PAXBP1: variants seen among roughly 807,000 people sequenced by gnomAD.
PAXBP1 encodes PAX3- and PAX7-binding protein 1.
A neutral mutation model predicts 119.9 loss-of-function variants in PAXBP1; 44 were observed. The ratio of observed to expected loss-of-function variants is 0.37; its 90% CI spans 0.29 to 0.47. The LOEUF is 0.47. Among genes scored for constraint, PAXBP1 ranks in the 20% least tolerant of loss-of-function variants. The probability of loss-of-function intolerance (pLI) is 0.99; values close to 1 mark genes in which losing one functional copy is unlikely to be tolerated. For synonymous variants in PAXBP1, 393 were observed against 406.6 expected, an observed-to-expected ratio of 0.97 and a Z score of 0.40; for missense variants, 898 against 1,134.1, an observed-to-expected ratio of 0.79 and a Z score of 2.99.
rs571403091 is a variant in PAXBP1 at position 32,763,172 on chromosome 21, T to A, written c.650-855A>T. 4.5e-4 allele frequency among the ~76,000 whole-genome samples: 69 copies of A among 152,336 alleles called. No homozygotes were observed. The South Asian group carries it at 9.3e-3, about 21-fold the overall frequency. The stretch of plus-strand genomic sequence containing the variant: ...TAACATTTTCTGCATAGATAAGGCA[T>A]AATCTACCGCACACATTAACTGACC... On this transcript the variant is annotated intron_variant, in intron 3 of 17. Coordinates refer to ENST00000331923, the MANE Select transcript of PAXBP1 (RefSeq NM_016631.4).
intron 2 of PAXBP1, among the ~76,000 whole-genome samples, chr21:32,768,439 T>C (rs573046583): frequency 7.9e-5 from 12 of 152,354 alleles, no homozygotes; most frequent in Admixed American, 4.6e-4. Context: ...TGGCAAAGTG[T>C]ATATTAAGCC....
chr21:32,755,127 T>A (rs1334529767), intron 8 of PAXBP1, 103 bp downstream of exon 8: 23 of 986,000 alleles, frequency 2.3e-5, no homozygotes, highest in Middle Eastern at 3.5e-4. Flanking sequence ...ATTGTTTCTT[T>A]AAAAAAAAAA....
In PAXBP1 at chr21:32,765,448, T is replaced by C. The variant is rs140043573; in HGVS notation, c.473-924A>G. On this transcript the variant is annotated intron_variant, in intron 2 of 17. Coordinates refer to ENST00000331923, the MANE Select transcript of PAXBP1 (RefSeq NM_016631.4). ...CAGGCAAAAATCGAAGTGCTTCACC[T>C]TGAAGCACTGAACCTGGTAATGCTC... Among the ~76,000 whole-genome samples the C allele has an allele frequency of 6.6e-5, 10 of 152,324 alleles. No individual in the cohort carries two copies. The East Asian group carries it at 1.9e-3, about 29-fold the overall frequency.
chr21:32,765,598 T>C (rs886390684), intron 2 of PAXBP1, among the ~76,000 whole-genome samples: 1 of 152,174 alleles, frequency 6.6e-6, no homozygotes, highest in Non-Finnish European at 1.5e-5. Context: ...TCTTCCTTCT[T>C]CTCAAACCAT....
At chr21:32,763,606 C>T (rs531827180) in intron 3 of PAXBP1, among the ~76,000 whole-genome samples, 10 of 152,192 alleles carry the variant, frequency 6.6e-5, no homozygotes, top group Non-Finnish European at 1.3e-4. Flanking sequence ...CTACTAAGCA[C>T]TTATTTATTC....
intron 11 of PAXBP1, among the ~76,000 whole-genome samples, chr21:32,747,688 C>T (rs1254857689): frequency 6.6e-6 from 1 of 152,156 alleles, no homozygotes; most frequent in African/African-American, 2.4e-5. Context: ...TTGGTAACTT[C>T]TAAAACCACA....
chr21:32,768,993 T>C (rs913378819), intron 2 of PAXBP1, among the ~76,000 whole-genome samples: 4 of 152,258 alleles, frequency 2.6e-5, no homozygotes, highest in East Asian at 1.9e-4. Flanking sequence ...TCTGAAAGAG[T>C]AGCCACCCTT....
At chr21:32,738,120 TTAA>T (rs2146464913) in intron 16 of PAXBP1, 50 bp downstream of exon 16, 2 of 1,456,116 alleles carry the variant, frequency 1.4e-6, no homozygotes, top group East Asian at 2.6e-5. Context: ...AAACAAAAAC[TTAA>T]TTCATTTTAA....
At chr21:32,755,847 T>C (rs1282052448) in intron 7 of PAXBP1, 2 of 162,302 alleles carry the variant, frequency 1.2e-5, no homozygotes, top group Non-Finnish European at 2.7e-5. Context: ...GACATTTCAG[T>C]TGCTCTGCCA....
intron 3 of PAXBP1, among the ~76,000 whole-genome samples, chr21:32,763,494 G>A (rs570096102): frequency 1.3e-5 from 2 of 152,266 alleles, no homozygotes; most frequent in African/African-American, 4.8e-5. Flanking sequence ...AGTGATGTAT[G>A]TATAGAATTT....
At position 32,771,503 on chromosome 21, in the gene PAXBP1, G is replaced by A; in HGVS notation, c.166C>T (p.Leu56=). ...GGDRAPGGES[L]LGPGPSPPSA... is the part of the protein sequence containing the mutation. ...GGCGGCGACGGCCCCGGGCCCAGCA[G>A]CGACTCCCCGCCAGGGGCCCTGTCG... Residue 56 remains leucine, a synonymous_variant, in exon 1 of 18, where the codon CTG becomes TTG. Transcript: ENST00000331923. 2.3e-6 allele frequency: 3 copies of A among 1,325,104 alleles called. No homozygotes were observed. Among genetic ancestry groups the A allele is most frequent in the South Asian group, 4.0e-5 (2 of 49,964 alleles). 82.1% of individuals were successfully genotyped at this position (1,325,104 alleles called of 1,614,324 possible).
chr21:32,736,170 G>A (rs1748646539), intron 17 of PAXBP1, among the ~76,000 whole-genome samples: 1 of 152,120 alleles, frequency 6.6e-6, no homozygotes, highest in African/African-American at 2.4e-5. Flanking sequence ...ACCTGCCAAA[G>A]AATTTTACCA....
In PAXBP1 at chr21:32,737,326, T is replaced by C; in HGVS notation, c.2564A>G (p.Tyr855Cys). The C allele has an allele frequency of 6.2e-7, 1 of 1,609,756 alleles. No homozygotes were observed. Among genetic ancestry groups the C allele is most frequent in the Non-Finnish European group, 8.5e-7 (1 of 1,177,840 alleles). Residue 855 changes from tyrosine (Y) to cysteine (C), a missense_variant, in exon 17 of 18, where the codon TAC (tyrosine) becomes TGC (cysteine). By Grantham distance (194) the Tyr-to-Cys change is radical. Around this residue, in one of 2 missense-constraint regions of PAXBP1, gnomAD observed 599 missense variants for 852.7 expected, o/e 0.70. Coordinates refer to ENST00000331923, the MANE Select transcript of PAXBP1 (RefSeq NM_016631.4). The part of the protein sequence containing the change: ...TISQLENFCR[Y>C]LVHLADTIYR... ...AATTGTATCCGCTAAGTGTACAAGG[T>C]ATCGGCAAAAGTTTTCTAACTGAGA... is the stretch of plus-strand genomic sequence containing the variant.
chr21:32,754,750 A>G (rs1004857517), intron 8 of PAXBP1, among the ~76,000 whole-genome samples: 1 of 151,856 alleles, frequency 6.6e-6, no homozygotes. Flanking sequence ...GAAGCTCAAA[A>G]CTCTCCTATC....
At chr21:32,750,550 A>G (rs2043943201) in intron 10 of PAXBP1, among the ~76,000 whole-genome samples, 1 of 152,178 alleles carries the variant, frequency 6.6e-6, no homozygotes, top group African/African-American at 2.4e-5. Context: ...GACTCCCCAA[A>G]TCAAGAGTTT....
intron 11 of PAXBP1, 62 bp downstream of exon 11, chr21:32,748,437 G>T: frequency 1.3e-6 from 2 of 1,505,660 alleles, no homozygotes; most frequent in South Asian, 1.3e-5. Context: ...CTCTAGCTTT[G>T]AGATTAAAAT....
At position 32,771,538 on chromosome 21, in the gene PAXBP1, G is replaced by T; in HGVS notation, c.131C>A (p.Pro44His). The T allele has an allele frequency of 7.2e-7, 1 of 1,380,236 alleles. No individual in the cohort carries two copies. Among genetic ancestry groups the T allele is most frequent in the African/African-American group, 1.5e-5 (1 of 65,684 alleles). The allele number at this position is 1,380,236 out of a possible 1,614,324, so 85.5% of individuals were successfully genotyped here. ...GCCAGGGGCCCTGTCGCCGCCACCG[G>T]GGCCCGCCTCTTCGCCCGTGCCCGG... The part of the protein sequence containing the change: ...PPPGTGEEAG[P>H]GGGDRAPGGE... Residue 44 changes from proline (P) to histidine (H), a missense_variant, in exon 1 of 18, where the codon CCC (proline) becomes CAC (histidine). Physicochemically the swap from Pro to His is moderately conservative, Grantham distance 77. Coordinates refer to ENST00000331923, the MANE Select transcript of PAXBP1 (RefSeq NM_016631.4).
chr21:32,760,010 G>A lies in PAXBP1; in HGVS notation c.976-16C>T, dbSNP rs555878678. ...TGGCTTGAACCTAGAAAAGAAATGG[G>A]ATATAGATGAAATCTGGTAGTTAAA... On this transcript the variant is annotated splice_polypyrimidine_tract_variant and intron_variant, in intron 5 of 17. Coordinates refer to ENST00000331923, the MANE Select transcript of PAXBP1 (RefSeq NM_016631.4). 6.3e-7 allele frequency: 1 copy of A among 1,582,724 alleles called. No homozygotes were observed. Among genetic ancestry groups the A allele is most frequent in the African/African-American group, 1.4e-5 (1 of 74,054 alleles).
intron 5 of PAXBP1, 109 bp from the exon 6 acceptor site, chr21:32,760,103 A>T: frequency 1.3e-6 from 1 of 760,044 alleles, no homozygotes; most frequent in Non-Finnish European, 2.1e-6. Context: ...TATTTGCCAA[A>T]TATTATGTAA....
Sources: allele counts gnomAD v4.1 joint callset (sites outside exome capture counted in the v4.1 genomes callset), GRCh38; gene constraint gnomAD v4.1.1; regional missense constraint gnomAD v4.1.1; transcripts MANE v1.5; gene names NCBI Gene and HGNC (gene_info 2026-07-23, HGNC 2026-07-21).